LPIN3: variants seen among roughly 807,000 people sequenced by gnomAD.
The protein encoded by LPIN3 is lipin 3.
Under a neutral mutation model 94.7 loss-of-function variants are expected in LPIN3, and 82 were observed. That is an observed-to-expected ratio of 0.87 (90% CI 0.72 to 1.04). The LOEUF (loss-of-function observed/expected upper bound fraction) is 1.04. Ranked by LOEUF, LPIN3 falls within the 50% of genes least tolerant of loss-of-function variation. The pLI, the probability that LPIN3 is intolerant of heterozygous loss-of-function variation, is 0.00. For synonymous variants in LPIN3, 418 were observed against 443.3 expected (o/e 0.94, Z 0.72); for missense variants, 996 against 1,090.5 (o/e 0.91, Z 1.22).
chr20:41,350,726 A>C (rs1160710865), intron 7 of LPIN3, among the ~76,000 whole-genome samples: 1 of 152,138 alleles, frequency 6.6e-6, no homozygotes, highest in Non-Finnish European at 1.5e-5. Flanking sequence ...GGCAGAGGAA[A>C]CAGTATGTGC....
chr20:41,348,443 G>A (rs887064937), intron 3 of LPIN3, among the ~76,000 whole-genome samples, 176 bp from the exon 4 acceptor site: 1 of 152,162 alleles, frequency 6.6e-6, no homozygotes, highest in African/African-American at 2.4e-5. Context: ...GCTCTGTTGG[G>A]GACCTCTGAG....
At chr20:41,343,673 C>A (rs2045666917) in intron 1 of LPIN3, among the ~76,000 whole-genome samples, 1 of 152,180 alleles carries the variant, frequency 6.6e-6, no homozygotes, top group Non-Finnish European at 1.5e-5. Context: ...GTCGTTTAGG[C>A]TCTTCCAAGA....
intron 3 of LPIN3, among the ~76,000 whole-genome samples, chr20:41,347,879 A>C (rs2045844762): frequency 6.6e-6 from 1 of 152,074 alleles, no homozygotes; most frequent in South Asian, 2.1e-4. Flanking sequence ...GAAGTTGGGG[A>C]AGGTTTCTCA....
chr20:41,356,458 G>T (rs2046211588), intron 14 of LPIN3, among the ~76,000 whole-genome samples: 2 of 152,190 alleles, frequency 1.3e-5, no homozygotes, highest in Admixed American at 6.5e-5. Flanking sequence ...CATGGTTGTG[G>T]CTCCATGGTC....
chr20:41,344,728 C>T (rs924273482), intron 1 of LPIN3, among the ~76,000 whole-genome samples: 6 of 152,144 alleles, frequency 3.9e-5, no homozygotes, highest in Admixed American at 6.5e-5. Flanking sequence ...CTGGAGAGAC[C>T]GGTCTGGCTG....
intron 11 of LPIN3, 33 bp from the exon 12 acceptor site, chr20:41,354,612 G>A (rs181348394): frequency 1.3e-6 from 2 of 1,539,410 alleles, no homozygotes; most frequent in East Asian, 4.5e-5. Context: ...ATGTGGTGCA[G>A]GAAACACTGC....
At chr20:41,341,848 A>G (rs2045592338) in intron 1 of LPIN3, among the ~76,000 whole-genome samples, 3 of 152,286 alleles carry the variant, frequency 2.0e-5, no homozygotes, top group African/African-American at 7.2e-5. Context: ...GTGGTGGCAC[A>G]CGCCTGTAGT....
intron 1 of LPIN3, among the ~76,000 whole-genome samples, chr20:41,344,227 G>A (rs1261338858): frequency 6.6e-6 from 1 of 152,238 alleles, no homozygotes; most frequent in African/African-American, 2.4e-5. Flanking sequence ...GCAGGGCTGT[G>A]CAGAAGTGGC....
At chr20:41,350,537 G>A in intron 7 of LPIN3, 140 bp downstream of exon 7, 1 of 677,358 alleles carries the variant, frequency 1.5e-6, no homozygotes. Flanking sequence ...AGCTCACAGT[G>A]CAGTGTGGGA....
chr20:41,357,827 G>C (rs1413528962), intron 16 of LPIN3, 55 bp from the exon 17 acceptor site: 1 of 1,605,856 alleles, frequency 6.2e-7, no homozygotes, highest in Admixed American at 1.7e-5. Context: ...CAGAGAAACA[G>C]ATGGGGGCTG....
At position 41,352,139 on chromosome 20, in the gene LPIN3, C is replaced by T. The variant is rs147370764; in HGVS notation, c.1282C>T (p.Pro428Ser). 6 of 1,614,126 alleles carry T rather than the reference C, an allele frequency of 3.7e-6. No individual in the cohort carries two copies. In the African/African-American group the frequency reaches 8.0e-5, roughly 22 times the overall value. The change falls in exon 9 of 20, where the codon CCT becomes TCT. Residue 428 changes from proline to serine, a missense_variant. Transcript: ENST00000373257. ...GAGGGACCCCAACCCTGAACATGAA[C>T]CTGAACCCACTCTGGACACAGTGGA... is the stretch of plus-strand genomic sequence containing the variant. ...SLRDPNPEHE[P>S]EPTLDTVDTI... is the part of the protein sequence containing the mutation.
chr20:41,357,956 G>A lies in LPIN3; in HGVS notation c.2114G>A (p.Trp705Ter). Residue 705 changes from tryptophan to a stop codon, truncating the protein, a stop_gained, in exon 17 of 20, where the codon TGG (tryptophan) becomes TAG (stop). Transcript: ENST00000373257. LOFTEE classifies it high-confidence loss of function. The part of the protein sequence containing the change: ...MADLTKGYLQ[W>*]VSEGGCSLPK... ...GACCTCACCAAGGGGTACCTGCAGTGGGTGAGCGAGGGGGGCTGTAGCCTC... is the reference window on the plus strand; with the variant it reads ...GACCTCACCAAGGGGTACCTGCAGTAGGTGAGCGAGGGGGGCTGTAGCCTC... 1 of 1,613,828 alleles carries A rather than the reference G, an allele frequency of 6.2e-7. No homozygotes were observed. The highest frequency in any genetic ancestry group is 1.7e-4 in the Middle Eastern group (1 of 6,058).
rs751234347 is a variant in LPIN3 at position 41,348,613 on chromosome 20, C to G, written c.289-6C>G. 1 of 1,601,730 alleles carries G rather than the reference C, an allele frequency of 6.2e-7. No homozygotes were observed. Among genetic ancestry groups the G allele is most frequent in the Admixed American group, 1.7e-5 (1 of 59,426 alleles). On this transcript the variant is annotated splice_polypyrimidine_tract_variant and splice_region_variant and intron_variant, in intron 3 of 19. Coordinates refer to ENST00000373257, the MANE Select transcript of LPIN3 (RefSeq NM_022896.3). ...CCCCGACCTCAGTTCTTGGTCTGTT[C>G]CACAGGAACATGTGCCTCCCGGCCT...
intron 1 of LPIN3, among the ~76,000 whole-genome samples, chr20:41,343,783 G>A (rs2045670808): frequency 6.6e-6 from 1 of 152,226 alleles, no homozygotes; most frequent in Non-Finnish European, 1.5e-5. Flanking sequence ...TGCTAGGCCA[G>A]GTGCAATGGC....
In LPIN3 at chr20:41,360,055, A is replaced by T. The variant is rs1245926057; in HGVS notation, c.*1189A>T. On this transcript the variant is annotated 3_prime_UTR_variant, in exon 20 of 20. Coordinates refer to ENST00000373257, the MANE Select transcript of LPIN3 (RefSeq NM_022896.3). ...TACCAAATGTCCAGGAACCAAAGGC[A>T]GGGCTGTGGGGACCTGAAGAGCAGC... 6.5e-6 allele frequency: 1 copy of T among 152,686 alleles called. No homozygotes were observed. The highest frequency in any genetic ancestry group is 1.5e-5 in the Non-Finnish European group (1 of 68,084). The allele number at this position is 152,686 out of a possible 1,614,324, so 9.5% of individuals were successfully genotyped here.
rs542428476 is a variant in LPIN3 at position 41,352,868 on chromosome 20, G to A, written c.1527+1G>A. 15 of 1,614,154 alleles carry A rather than the reference G, an allele frequency of 9.3e-6. No homozygotes were observed. In the Admixed American group the frequency reaches 2.0e-4, roughly 22 times the overall value. On this transcript the variant is annotated splice_donor_variant, in intron 11 of 19. Coordinates refer to ENST00000373257, the MANE Select transcript of LPIN3 (RefSeq NM_022896.3). LOFTEE classifies it high-confidence loss of function. ...AGCCTTCCAGAAAAACTTGCCCAAG[G>A]TAATGGTTAGAGCACCACTGCCCCT...
rs757556828 is a variant in LPIN3 at position 41,354,737 on chromosome 20, G to T, written c.1620G>T (p.Glu540Asp). The change falls in exon 12 of 20, where the codon GAG becomes GAT. Residue 540 changes from glutamate (E) to aspartate (D), a missense_variant and splice_region_variant. By Grantham distance (45) the Glu-to-Asp change is conservative. Coordinates refer to ENST00000373257, the MANE Select transcript of LPIN3 (RefSeq NM_022896.3). Reference protein sequence around the residue: ...SWRRRDFLAEERSAQKEKTAA... With the variant: ...SWRRRDFLAEDRSAQKEKTAA... ...GACGCAGGGACTTCCTGGCCGAGGA[G>T]GTGGGTGGTCACAGTCGAGGGCCAG... 2.4e-5 allele frequency: 39 copies of T among 1,608,090 alleles called. No homozygotes were observed. In the South Asian group the frequency reaches 4.3e-4, roughly 18 times the overall value.
In LPIN3 at chr20:41,358,722, G is replaced by T; in HGVS notation, c.2412G>T (p.Thr804=). 6.2e-7 allele frequency: 1 copy of T among 1,613,962 alleles called. No homozygotes were observed. Among genetic ancestry groups the T allele is most frequent in the Non-Finnish European group, 8.5e-7 (1 of 1,179,940 alleles). The change falls in exon 20 of 20, where the codon ACG becomes ACT. Residue 804 remains threonine, a splice_region_variant and synonymous_variant. Coordinates refer to ENST00000373257, the MANE Select transcript of LPIN3 (RefSeq NM_022896.3). The part of the protein sequence containing the change: ...IQELIKNHKS[T]YERLGEVVEL... ...AGTGCTGGCCCCCTTCTGCCTGTAG[G>T]TATGAGCGGCTTGGTGAAGTGGTCG...
chr20:41,352,025 C>G, intron 8 of LPIN3, 35 bp from the exon 9 acceptor site: 2 of 1,613,942 alleles, frequency 1.2e-6, no homozygotes, highest in Non-Finnish European at 1.7e-6. Context: ...CCGCCCTCCT[C>G]GTATTCTTGT....
Sources: gnomAD v4.1 joint callset for allele counts (sites outside exome capture counted in the v4.1 genomes callset) on GRCh38, gnomAD v4.1.1 for gene constraint, MANE v1.5 for transcripts, NCBI Gene and HGNC (gene_info 2026-07-23, HGNC 2026-07-21) for gene names.